Variants in TNNT3 observed in about 807,000 individuals in gnomAD.
The protein encoded by TNNT3 is troponin T3, fast skeletal type, also known as troponin T, fast skeletal muscle.
TNNT3 carries 36 observed loss-of-function variants against 54.2 expected under a neutral mutation model. The ratio of observed to expected loss-of-function variants is 0.66; its 90% CI spans 0.51 to 0.88. The LOEUF (loss-of-function observed/expected upper bound fraction) is 0.88, where lower values mean the gene tolerates loss of function less well. Ranked by LOEUF, TNNT3 falls within the 40% of genes least tolerant of loss-of-function variation. TNNT3 has a pLI of 0.00. For synonymous variants in TNNT3, 120 were observed against 109.7 expected, an observed-to-expected ratio of 1.09 and a Z score of -0.59; for missense variants, 291 against 331.6, an observed-to-expected ratio of 0.88 and a Z score of 0.95.
intron 15 of TNNT3, 123 bp from the exon 16 acceptor site, chr11:1,938,315 T>C (rs1855743861): frequency 9.2e-7 from 1 of 1,081,394 alleles, no homozygotes; most frequent in African/African-American, 1.5e-5. Context: ...GCCGCAAGCT[T>C]GGGCCGGGCC....
At chr11:1,922,705 T>A (rs1479892741) in intron 1 of TNNT3, 152 bp from the exon 2 acceptor site, 1 of 719,290 alleles carries the variant, frequency 1.4e-6, no homozygotes, top group African/African-American at 1.7e-5. Context: ...CCCAAGGAGG[T>A]GGACTCACCC....
intron 5 of TNNT3, 148 bp from the exon 6 acceptor site, chr11:1,926,547 G>A: frequency 6.2e-7 from 1 of 1,611,424 alleles, no homozygotes; most frequent in Non-Finnish European, 8.5e-7. Context: ...GACCCAAGAA[G>A]GAACAAGAGG....
Position 1,937,800 on chromosome 11 carries a change from C to T in TNNT3, c.723-638C>T, listed in dbSNP as rs192548558. 1.8e-4 allele frequency among the ~76,000 whole-genome samples: 28 copies of T among 152,334 alleles called. No homozygotes were observed. The South Asian group carries it at 3.1e-3, about 17-fold the overall frequency. ...GTGCCGTCAGGGGTCATTGCAGACC[C>T]CTCTGAGGGTGGGCAGTCGGCGTGG... On this transcript the variant is annotated intron_variant, in intron 15 of 15. Transcript: ENST00000278317.
chr11:1,926,502 C>T, intron 5 of TNNT3, 193 bp from the exon 6 acceptor site: 2 of 1,613,176 alleles, frequency 1.2e-6, no homozygotes, highest in Non-Finnish European at 1.7e-6. Context: ...GACTTCGATG[C>T]CACATGGGCA....
intron 14 of TNNT3, among the ~76,000 whole-genome samples, chr11:1,935,909 G>A (rs1016853904): frequency 4.0e-4 from 61 of 152,236 alleles, no homozygotes; most frequent in African/African-American, 1.3e-3. Flanking sequence ...GAGGCAGGGC[G>A]ATTACACTCC....
intron 8 of TNNT3, among the ~76,000 whole-genome samples, chr11:1,931,279 C>T (rs1021959095): frequency 6.6e-6 from 1 of 152,190 alleles, no homozygotes; most frequent in South Asian, 2.1e-4. Context: ...GGGTTATTTC[C>T]GTAGGCCACA....
intron 9 of TNNT3, among the ~76,000 whole-genome samples, chr11:1,933,176 C>T (rs1853947895): frequency 6.7e-6 from 1 of 148,242 alleles, no homozygotes; most frequent in Middle Eastern, 3.4e-3. Context: ...ACCCACTCAC[C>T]CACCATCCAC....
chr11:1,922,966 T>C, intron 2 of TNNT3, 75 bp downstream of exon 2: 15 of 1,613,506 alleles, frequency 9.3e-6, no homozygotes, highest in Non-Finnish European at 1.3e-5. Context: ...GGCTGGAGCA[T>C]GCGCTATCTT....
chr11:1,925,050 G>C lies in TNNT3; in HGVS notation c.50-49G>C, dbSNP rs200910044. ...ACTCTGATCACTGTCTCTGTTCCCT[G>C]TCTCCCTCAACCCCGCCTTCTCCTG... On this transcript the variant is annotated intron_variant, in intron 4 of 15. Transcript: ENST00000278317. The C allele has an allele frequency of 2.4e-5, 38 of 1,608,622 alleles. No individual in the cohort carries two copies. In the East Asian group the frequency reaches 7.8e-4, roughly 33 times the overall value.
intron 11 of TNNT3, 64 bp from the exon 12 acceptor site, chr11:1,934,268 A>G: frequency 6.7e-7 from 1 of 1,501,610 alleles, no homozygotes; most frequent in Non-Finnish European, 9.2e-7. Context: ...GGGTCCCTAA[A>G]GCCTGCCCAG....
At position 1,923,527 on chromosome 11, in the gene TNNT3, T is replaced by C. The variant is rs367656256; in HGVS notation, c.32-28T>C. ...TCACGGGCTGCCCCTTCTAACGTGG[T>C]TCCCCTCTTTGTTCTGTCCCAATGC... On this transcript the variant is annotated intron_variant, in intron 3 of 15. Transcript: ENST00000278317. 426 of 1,613,712 alleles carry C rather than the reference T, an allele frequency of 2.6e-4. 1 individual carries two copies. Among genetic ancestry groups the C allele is most frequent in the Middle Eastern group, 9.9e-4 (6 of 6,084 alleles).
Position 1,923,075 on chromosome 11 carries a change from C to T in TNNT3, c.31+14C>T, listed in dbSNP as rs1292963126. 2 of 1,613,864 alleles carry T rather than the reference C, an allele frequency of 1.2e-6. No individual in the cohort carries two copies. Among genetic ancestry groups the T allele is most frequent in the African/African-American group, 1.3e-5 (1 of 74,902 alleles). On this transcript the variant is annotated intron_variant, in intron 3 of 15. Coordinates refer to ENST00000278317, the MANE Select transcript of TNNT3 (RefSeq NM_006757.4). Reference sequence around the variant, plus strand: ...AACAGGTGGAGGGTAAGTGTAACAGCCATTTTCTTTCTACTTCCTGCTCTA... The same window carrying T: ...AACAGGTGGAGGGTAAGTGTAACAGTCATTTTCTTTCTACTTCCTGCTCTA...
In TNNT3 at chr11:1,938,616, T is replaced by TG; in HGVS notation, c.*126dup. On this transcript the variant is annotated 3_prime_UTR_variant, in exon 16 of 16. Coordinates refer to ENST00000278317, the MANE Select transcript of TNNT3 (RefSeq NM_006757.4). ...AGGGGCTCCCTGACAGTCCTGGGGGTGGAGAGGCCATCCCGGGGCGTCCCC... is the reference window on the plus strand; with the variant it reads ...AGGGGCTCCCTGACAGTCCTGGGGGTGGGAGAGGCCATCCCGGGGCGTCCCC... The TG allele has an allele frequency of 9.7e-7, 1 of 1,025,686 alleles. No individual in the cohort carries two copies. The highest frequency in any genetic ancestry group is 1.3e-5 in the South Asian group (1 of 74,330). 63.5% of individuals were successfully genotyped at this position (1,025,686 alleles called of 1,614,324 possible).
chr11:1,933,785 T>C lies in TNNT3; in HGVS notation c.236T>C (p.Phe79Ser). The change falls in exon 10 of 16, where the codon TTT becomes TCT. Residue 79 changes from phenylalanine (F) to serine (S), a missense_variant. Phe to Ser is a radical substitution (Grantham distance 155). Transcript: ENST00000278317. ...CTCCAGGCCCTCATCGACAGCCACT[T>C]TGAAGCCCGGAAGAAGGAGGAGGAG... ...MELQALIDSH[F>S]EARKKEEEEL... is the part of the protein sequence containing the mutation. 6.2e-7 allele frequency: 1 copy of C among 1,612,920 alleles called. No individual in the cohort carries two copies.
At chr11:1,929,906 C>G in intron 8 of TNNT3, 78 bp downstream of exon 8, 1 of 1,521,906 alleles carries the variant, frequency 6.6e-7, no homozygotes, top group Non-Finnish European at 8.9e-7. Flanking sequence ...GGGGTCCTGG[C>G]AGGCCCAGTG....
chr11:1,926,384 G>C (rs1385331577), intron 5 of TNNT3: 2 of 1,560,892 alleles, frequency 1.3e-6, no homozygotes, highest in Admixed American at 1.7e-5. Context: ...GTGGCGACGG[G>C]CTTTTCCATT....
chr11:1,938,560 C>A lies in TNNT3; in HGVS notation c.*68C>A. ...TTGCACACCAGGGCCGCTCGTGGGA[C>A]TCCACATCCTCCAGCCCCCACAATC... is the stretch of plus-strand genomic sequence containing the variant. On this transcript the variant is annotated 3_prime_UTR_variant, in exon 16 of 16. Transcript: ENST00000278317. 6.8e-7 allele frequency: 1 copy of A among 1,476,330 alleles called. No individual in the cohort carries two copies. Among genetic ancestry groups the A allele is most frequent in the Non-Finnish European group, 9.4e-7 (1 of 1,065,442 alleles). 91.5% of individuals were successfully genotyped at this position (1,476,330 alleles called of 1,614,324 possible). A position where few individuals can be genotyped will look rare whatever the true frequency, so the allele number is the denominator to read the frequency against.
rs76822742 is a variant in TNNT3 at position 1,922,319 on chromosome 11, G to T, written c.-18-538G>T. Among the ~76,000 whole-genome samples the T allele has an allele frequency of 2.3e-4, 35 of 152,262 alleles. No homozygotes were observed. In the East Asian group the frequency reaches 5.0e-3, roughly 22 times the overall value. ...CTTTGGGCTCAAATAGGGAAGAGGGGTTCTCATGGGGAATGGTAGGGTGAG... is the reference window on the plus strand; with the variant it reads ...CTTTGGGCTCAAATAGGGAAGAGGGTTTCTCATGGGGAATGGTAGGGTGAG... On this transcript the variant is annotated intron_variant, in intron 1 of 15. Coordinates refer to ENST00000278317, the MANE Select transcript of TNNT3 (RefSeq NM_006757.4).
intron 11 of TNNT3, 136 bp from the exon 12 acceptor site, chr11:1,934,196 G>A: frequency 9.3e-7 from 1 of 1,072,908 alleles, no homozygotes; most frequent in Non-Finnish European, 1.4e-6. Context: ...AAGACCTGGA[G>A]CTTCCTTCCA....
Sources: gnomAD v4.1 joint callset for allele counts (sites outside exome capture counted in the v4.1 genomes callset) on GRCh38, gnomAD v4.1.1 for gene constraint, MANE v1.5 for transcripts, NCBI Gene and HGNC (gene_info 2026-07-23, HGNC 2026-07-21) for gene names.